The following TBC1D4 variants were observed in gnomAD, a reference collection of about 807,000 sequenced individuals.
The protein encoded by TBC1D4 is TBC (Tre-2, BUB2, CDC16) domain-containing protein.
In TBC1D4, 121 loss-of-function variants were observed where a neutral mutation model predicts 142.5. The ratio of observed to expected loss-of-function variants is 0.85; its 90% CI spans 0.73 to 0.99. The LOEUF (loss-of-function observed/expected upper bound fraction) is 0.99. TBC1D4 is among the 50% of genes least tolerant of loss of function. The pLI is 0.00. For missense variants in TBC1D4, 1,475 were observed against 1,606.6 expected, an observed-to-expected ratio of 0.92 and a Z score of 1.40; for synonymous variants, 630 against 628.2, an observed-to-expected ratio of 1.00 and a Z score of -0.04.
At chr13:75,419,509 T>A (rs976248973) in intron 1 of TBC1D4, among the ~76,000 whole-genome samples, 1 of 152,212 alleles carries the variant, frequency 6.6e-6, no homozygotes, top group Non-Finnish European at 1.5e-5. Context: ...CGAAGTTGTA[T>A]AAAATATATT....
In TBC1D4 at chr13:75,362,378, T is replaced by C; in HGVS notation, c.728A>G (p.Gln243Arg). ...EQQRLKIQGE[Q>R]RGPDPGEDLA... The stretch of plus-strand genomic sequence containing the variant: ...GTCCTCTCCTGGGTCCGGACCGCGC[T>C]GCTCCCCTTGGATCTTCAGGCGCTG... The change falls in exon 2 of 21, where the codon CAG (glutamine) becomes CGG (arginine). Residue 243 changes from glutamine (Q) to arginine (R), a missense_variant. By Grantham distance (43) the Gln-to-Arg change is conservative. This residue lies in a region of TBC1D4 where 1,227 missense variants were observed against 1,267.7 expected (regional missense o/e 0.97). Coordinates refer to ENST00000377636, the MANE Select transcript of TBC1D4 (RefSeq NM_014832.5). This position sits in a 1 kb window ranked among gnomAD's most constrained non-coding sequence, Gnocchi z 4.2. The C allele has an allele frequency of 1.9e-6, 3 of 1,614,208 alleles. No individual in the cohort carries two copies. Among genetic ancestry groups the C allele is most frequent in the Non-Finnish European group, 2.5e-6 (3 of 1,180,024 alleles).
chr13:75,388,442 A>T (rs1348022170), intron 1 of TBC1D4, among the ~76,000 whole-genome samples: 1 of 152,190 alleles, frequency 6.6e-6, no homozygotes, highest in African/African-American at 2.4e-5. Flanking sequence ...ATGTGTTCTC[A>T]AAGGTTAAAT....
intron 1 of TBC1D4, among the ~76,000 whole-genome samples, chr13:75,426,768 A>G (rs1438088890): frequency 1.3e-5 from 2 of 152,256 alleles, no homozygotes; most frequent in Non-Finnish European, 2.9e-5. Context: ...TTGGCCAGGC[A>G]CAGTGGCTCA....
chr13:75,363,536 CTCCCTGCTTTGAGTCT>C (rs1882701953), intron 1 of TBC1D4, among the ~76,000 whole-genome samples: 1 of 152,208 alleles, frequency 6.6e-6, no homozygotes, highest in Non-Finnish European at 1.5e-5. Context: ...TAAAAACTCC[CTCCCTGCTTTGAGTCT>C]TCCTGCCTTT....
intron 1 of TBC1D4, among the ~76,000 whole-genome samples, chr13:75,393,334 T>C (rs1297112961): frequency 1.3e-5 from 2 of 152,142 alleles, no homozygotes; most frequent in African/African-American, 4.8e-5. Flanking sequence ...TTAATCATCA[T>C]TTCAGTAGAA....
chr13:75,299,364 C>T lies in TBC1D4; in HGVS notation c.3122G>A (p.Arg1041His), dbSNP rs199560195. ...LKFLMYDLGF[R>H]KQYRPDMMSL... ...CATCATGTCAGGTCTGTACTGCTTG[C>T]GGAAGCCGAGGTCATACATGAGGAA... The change falls in exon 17 of 21, where the codon CGC (arginine) becomes CAC (histidine). Residue 1041 changes from arginine to histidine, a missense_variant. Coordinates refer to ENST00000377636, the MANE Select transcript of TBC1D4 (RefSeq NM_014832.5). 21 of 1,614,112 alleles carry T rather than the reference C, an allele frequency of 1.3e-5. No individual in the cohort carries two copies. The Admixed American group carries it at 2.2e-4, about 17-fold the overall frequency.
At chr13:75,287,680 A>G (rs1294650215) in intron 20 of TBC1D4, among the ~76,000 whole-genome samples, 1 of 152,152 alleles carries the variant, frequency 6.6e-6, no homozygotes, top group Admixed American at 6.5e-5. Context: ...AAAGATTTAC[A>G]TTTTCTATGA....
At chr13:75,287,129 A>C in intron 20 of TBC1D4, 104 bp from the exon 21 acceptor site, 1 of 973,778 alleles carries the variant, frequency 1.0e-6, no homozygotes, top group Admixed American at 2.1e-5. Context: ...ATAAAATATT[A>C]TGTGAAGCAA....
At chr13:75,422,898 T>C (rs1886228258) in intron 1 of TBC1D4, among the ~76,000 whole-genome samples, 2 of 152,198 alleles carry the variant, frequency 1.3e-5, no homozygotes, top group Admixed American at 6.5e-5. Flanking sequence ...GCCCTAGCTT[T>C]CCATGAGTTT....
intron 1 of TBC1D4, among the ~76,000 whole-genome samples, chr13:75,397,494 A>G (rs996911681): frequency 2.6e-5 from 4 of 152,208 alleles, no homozygotes. Flanking sequence ...TAAATGGTAG[A>G]AAATGTGAAA....
rs1050488415 is a variant in TBC1D4 at position 75,336,399 on chromosome 13, GA to G, written c.1731+521del. On this transcript the variant is annotated intron_variant, in intron 8 of 20. Transcript: ENST00000377636. ...TGACAGAGCAAGACTTCGTCTCAAG[GA>G]AAAAAAAAAAAGATCATTTTGAGCT... Among the ~76,000 whole-genome samples, 318 of 137,316 alleles carry G rather than the reference GA, an allele frequency of 2.3e-3. 1 individual carries two copies. Among genetic ancestry groups the G allele is most frequent in the African/African-American group, 5.4e-3 (201 of 37,244 alleles). 90.1% of individuals were successfully genotyped at this position (137,316 alleles called of 152,430 possible). A position where few individuals can be genotyped will look rare whatever the true frequency, so the allele number is the denominator to read the frequency against.
chr13:75,418,052 T>C (rs966236559), intron 1 of TBC1D4, among the ~76,000 whole-genome samples: 2 of 152,254 alleles, frequency 1.3e-5, no homozygotes, highest in South Asian at 4.1e-4. Flanking sequence ...GTTATTATTT[T>C]ATTATTATTT....
At chr13:75,330,038 C>T (rs1245763191) in intron 8 of TBC1D4, among the ~76,000 whole-genome samples, 1 of 152,230 alleles carries the variant, frequency 6.6e-6, no homozygotes, top group African/African-American at 2.4e-5. Context: ...CGCTCTTTAG[C>T]TCTGAGAAAT....
At chr13:75,466,730 G>C (rs1013569907) in intron 1 of TBC1D4, among the ~76,000 whole-genome samples, 11 of 151,980 alleles carry the variant, frequency 7.2e-5, no homozygotes, top group Non-Finnish European at 1.5e-4. Flanking sequence ...AATTAGCTGG[G>C]CATGGTGGTG....
At chr13:75,324,433 A>T in intron 10 of TBC1D4, 32 bp from the exon 11 acceptor site, 1 of 1,611,728 alleles carries the variant, frequency 6.2e-7, no homozygotes. Context: ...AATATGTCTT[A>T]ATTTATATTT....
intron 12 of TBC1D4, among the ~76,000 whole-genome samples, chr13:75,313,701 A>T (rs529559519): frequency 6.6e-6 from 1 of 152,168 alleles, no homozygotes; most frequent in Non-Finnish European, 1.5e-5. Context: ...TTTTAAAAAA[A>T]TCTTCGTAGA....
chr13:75,362,697 T>C lies in TBC1D4; in HGVS notation c.499-90A>G, dbSNP rs1310604254. ...CCCAATTATTACCACATGGAATGTATTTTCATCCTAAATAATATACAAAGT... is the reference window on the plus strand; with the variant it reads ...CCCAATTATTACCACATGGAATGTACTTTCATCCTAAATAATATACAAAGT... On this transcript the variant is annotated intron_variant, in intron 1 of 20. Coordinates refer to ENST00000377636, the MANE Select transcript of TBC1D4 (RefSeq NM_014832.5). The surrounding 1 kb of genome is among the most constrained non-coding windows in gnomAD (Gnocchi z 4.2). 3 of 1,367,282 alleles carry C rather than the reference T, an allele frequency of 2.2e-6. No individual in the cohort carries two copies. Among genetic ancestry groups the C allele is most frequent in the Non-Finnish European group, 3.1e-6 (3 of 971,922 alleles). The allele number at this position is 1,367,282 out of a possible 1,614,324, so 84.7% of individuals were successfully genotyped here. A position where few individuals can be genotyped will look rare whatever the true frequency, so the allele number is the denominator to read the frequency against.
In TBC1D4 at chr13:75,285,403, A is replaced by C. The variant is rs973498189; in HGVS notation, c.*1389T>G. The C allele has an allele frequency of 3.3e-5, 5 of 152,238 alleles. No individual in the cohort carries two copies. Among genetic ancestry groups the C allele is most frequent in the African/African-American group, 1.2e-4 (5 of 41,468 alleles). 9.4% of individuals were successfully genotyped at this position (152,238 alleles called of 1,614,324 possible). ...AGTACTGCAAAAAGCAGTGAGGATA[A>C]ATACTTTTTGGAAAGGCAAAAATGC... On this transcript the variant is annotated 3_prime_UTR_variant, in exon 21 of 21. Transcript: ENST00000377636.
intron 8 of TBC1D4, among the ~76,000 whole-genome samples, chr13:75,335,639 C>T (rs1880132164): frequency 6.6e-6 from 1 of 152,078 alleles, no homozygotes. Context: ...CCACTTGGTG[C>T]TGTTCTCATG....
Sources: allele counts gnomAD v4.1 joint callset (sites outside exome capture counted in the v4.1 genomes callset), GRCh38; gene constraint gnomAD v4.1.1; regional missense constraint gnomAD v4.1.1; non-coding constraint Gnocchi (gnomAD v3.1); transcripts MANE v1.5; gene names NCBI Gene and HGNC (gene_info 2026-07-23, HGNC 2026-07-21).